ADGRG5: variants seen among roughly 807,000 people sequenced by gnomAD.
The protein encoded by ADGRG5 is G protein-coupled receptor 114.
ADGRG5 carries 37 observed loss-of-function variants against 53.2 expected under a neutral mutation model. The observed-to-expected ratio is 0.70, with a 90% confidence interval of 0.53 to 0.91. ADGRG5 has a LOEUF of 0.91. Among genes scored for constraint, ADGRG5 ranks in the 40% least tolerant of loss-of-function variants. ADGRG5 has a pLI of 0.00. For missense variants in ADGRG5, 614 were observed against 675.8 expected (o/e 0.91, Z 1.01); for synonymous variants, 277 against 290.4 (o/e 0.95, Z 0.47).
chr16:57,565,645 A>T (rs1596790336), intron 6 of ADGRG5: 2 of 170,202 alleles, frequency 1.2e-5, no homozygotes, highest in Non-Finnish European at 2.5e-5. Context: ...TTAAAGGTTC[A>T]GCTGGGTCAC....
intron 6 of ADGRG5, chr16:57,565,608 C>T (rs2033113260): frequency 5.0e-6 from 1 of 201,938 alleles, no homozygotes; most frequent in African/African-American, 2.3e-5. Flanking sequence ...CACAACCTGC[C>T]CCAGTGCAGA....
chr16:57,530,684 G>A, the ADGRG5 span, among the ~76,000 whole-genome samples: 1 of 152,050 alleles, frequency 6.6e-6, no homozygotes, highest in Non-Finnish European at 1.5e-5. Flanking sequence ...CCTTCCTTGA[G>A]CCGAAGGCCT....
upstream of ADGRG5, among the ~76,000 whole-genome samples, chr16:57,538,761 T>C (rs1449371640): frequency 6.6e-6 from 1 of 152,198 alleles, no homozygotes; most frequent in African/African-American, 2.4e-5. Flanking sequence ...ACTTCAGCAG[T>C]TCTGTTTTCC....
At chr16:57,564,949 T>A (rs2033095509) in intron 5 of ADGRG5, 85 bp from the exon 6 acceptor site, 1 of 749,620 alleles carries the variant, frequency 1.3e-6, no homozygotes, top group Admixed American at 2.2e-5. Flanking sequence ...TGCTGCTTGT[T>A]CTCATCCAGG....
chr16:57,568,963 A>G (rs1281597268), intron 9 of ADGRG5, among the ~76,000 whole-genome samples: 2 of 141,386 alleles, frequency 1.4e-5, no homozygotes, highest in African/African-American at 2.7e-5. Flanking sequence ...CTCCACCTCT[A>G]TCACCACCAT....
intron 10 of ADGRG5, among the ~76,000 whole-genome samples, chr16:57,573,428 CA>C (rs35195501): frequency 0.06 from 4,596 of 76,526 alleles, 149 homozygotes; most frequent in African/African-American, 0.19. Context: ...GACTCCCTCT[CA>C]AAAAAAAAAA....
At chr16:57,556,752 A>G (rs2032890789) in intron 1 of ADGRG5, among the ~76,000 whole-genome samples, 1 of 152,156 alleles carries the variant, frequency 6.6e-6, no homozygotes, top group Admixed American at 6.5e-5. Flanking sequence ...GCCAGTTTCA[A>G]TACTCTTCAT....
chr16:57,529,168 C>T, the ADGRG5 span: 4 of 1,183,310 alleles, frequency 3.4e-6, no homozygotes, highest in Admixed American at 4.5e-5. This position sits in a 1 kb window ranked among gnomAD's most constrained non-coding sequence, Gnocchi z 4.1. Context: ...GGGCTGGGCC[C>T]GTGGCTCATG....
At chr16:57,544,103 C>G (rs774744571) in intron 1 of ADGRG5, among the ~76,000 whole-genome samples, 8 of 152,258 alleles carry the variant, frequency 5.3e-5, no homozygotes, top group Non-Finnish European at 1.0e-4. Flanking sequence ...CAAAGCAACT[C>G]AGCTGCCCAA....
Position 57,568,767 on chromosome 16 carries a change from C to T in ADGRG5, c.1090+643C>T, listed in dbSNP as rs996996469. Among the ~76,000 whole-genome samples, 5 of 151,340 alleles carry T rather than the reference C, an allele frequency of 3.3e-5. No homozygotes were observed. In the East Asian group the frequency reaches 9.8e-4, roughly 30 times the overall value. On this transcript the variant is annotated intron_variant, in intron 9 of 11. Transcript: ENST00000349457. ...CCATCACCTCCATCACCACCACCTCCACCTCTGTCACCTCCATCACTACCT... is the reference window on the plus strand; with the variant it reads ...CCATCACCTCCATCACCACCACCTCTACCTCTGTCACCTCCATCACTACCT...
intron 10 of ADGRG5, among the ~76,000 whole-genome samples, chr16:57,572,043 C>G (rs1054584937): frequency 6.6e-6 from 1 of 152,032 alleles, no homozygotes; most frequent in African/African-American, 2.4e-5. Flanking sequence ...ACCTACGAGC[C>G]AGCTTCTCCC....
At chr16:57,536,665 G>C in the ADGRG5 span, 1 of 152,130 alleles carries the variant, frequency 6.6e-6, no homozygotes, top group Non-Finnish European at 1.5e-5. Context: ...CCCCCGAAGC[G>C]GTCGCAGGCT....
chr16:57,558,305 T>A (rs2146783947), intron 1 of ADGRG5, among the ~76,000 whole-genome samples: 1 of 152,308 alleles, frequency 6.6e-6, no homozygotes, highest in East Asian at 1.9e-4. Context: ...TTACCTTCTG[T>A]ATACTACAGG....
rs139414699 is a variant in ADGRG5, at chr16:57,554,399, C to T, written c.-38-7657C>T. Reference sequence around the variant, plus strand: ...CTTTTTTTTTTTTCTTTTTTCGAGACGGAGTCTTGCTCTGTTGCCCAGGTT... The same window carrying T: ...CTTTTTTTTTTTTCTTTTTTCGAGATGGAGTCTTGCTCTGTTGCCCAGGTT... On this transcript the variant is annotated intron_variant, in intron 1 of 11. Transcript: ENST00000349457. Among the ~76,000 whole-genome samples the T allele has an allele frequency of 1.8e-3, 276 of 149,246 alleles. 1 individual carries two copies. In the East Asian group the frequency reaches 0.033, roughly 18 times the overall value.
At chr16:57,543,278 C>CTTTTTTTTTTTTTTTTTT (rs3030608) in intron 1 of ADGRG5, 1 of 81,498 alleles carries the variant, frequency 1.2e-5, no homozygotes, top group Non-Finnish European at 2.2e-5. Context: ...TTTCTTAGGG[C>CTTTTTTTTTTTTTTTTTT]TTTTTTTTTT....
Position 57,574,163 on chromosome 16 carries a change from G to T in ADGRG5, c.1209-652G>T, listed in dbSNP as rs564611768. Among the ~76,000 whole-genome samples the T allele has an allele frequency of 6.6e-6, 1 of 152,234 alleles. No homozygotes were observed. The highest frequency in any genetic ancestry group is 1.5e-5 in the Non-Finnish European group (1 of 68,040). Reference sequence around the variant, plus strand: ...GGGGAGGCAAAGGGCAGAGGCCTCCGGGAGGGCGTGGGACCGGGGCTGGCT... The same window carrying T: ...GGGGAGGCAAAGGGCAGAGGCCTCCTGGAGGGCGTGGGACCGGGGCTGGCT... On this transcript the variant is annotated intron_variant, in intron 10 of 11. Transcript: ENST00000349457. This position sits in a 1 kb window ranked among gnomAD's most constrained non-coding sequence, Gnocchi z 4.4.
At chr16:57,530,923 CCCA>C in the ADGRG5 span, among the ~76,000 whole-genome samples, 1 of 151,890 alleles carries the variant, frequency 6.6e-6, no homozygotes, top group Non-Finnish European at 1.5e-5. Context: ...GCCCTCTGGA[CCCA>C]CCGTGGCACC....
chr16:57,562,622 C>T (rs2033031107), intron 3 of ADGRG5, 163 bp downstream of exon 3: 1 of 593,328 alleles, frequency 1.7e-6, no homozygotes, highest in Admixed American at 3.0e-5. Context: ...ATGTCACTGC[C>T]CTCATGAAGT....
At position 57,575,633 on chromosome 16, in the gene ADGRG5, AC is replaced by A; in HGVS notation, c.*99del. 2 of 973,322 alleles carry A rather than the reference AC, an allele frequency of 2.1e-6. No individual in the cohort carries two copies. The highest frequency in any genetic ancestry group is 3.2e-6 in the Non-Finnish European group (2 of 627,234). The allele number at this position is 973,322 out of a possible 1,614,324, so 60.3% of individuals were successfully genotyped here. On this transcript the variant is annotated 3_prime_UTR_variant, in exon 12 of 12. Coordinates refer to ENST00000349457, the MANE Select transcript of ADGRG5 (RefSeq NM_001304376.3). ...GAGAGGGTGGCAGGCCTGCTGCTGG[AC>A]CCCAGAGGCCACTGTGACCGCCAAG...
Sources: gnomAD v4.1 joint callset for allele counts (sites outside exome capture counted in the v4.1 genomes callset) on GRCh38, gnomAD v4.1.1 for gene constraint, Gnocchi (gnomAD v3.1) non-coding constraint, MANE v1.5 for transcripts, NCBI Gene and HGNC (gene_info 2026-07-23, HGNC 2026-07-21) for gene names.